GRAMD2B: variants seen among roughly 807,000 people sequenced by gnomAD.
GRAMD2B encodes GRAM domain-containing protein 2B.
GRAMD2B carries 41 observed loss-of-function variants against 59.2 expected under a neutral mutation model. The ratio of observed to expected loss-of-function variants is 0.69; its 90% CI spans 0.54 to 0.90. The LOEUF is 0.90. Among genes scored for constraint, GRAMD2B ranks in the 40% least tolerant of loss-of-function variants. GRAMD2B has a pLI of 0.00. For missense variants in GRAMD2B, 424 were observed against 500.5 expected, an observed-to-expected ratio of 0.85 and a Z score of 1.46; for synonymous variants, 161 against 182.7, an observed-to-expected ratio of 0.88 and a Z score of 0.96.
chr5:126,452,393 G>A (rs984315067), intron 1 of GRAMD2B, among the ~76,000 whole-genome samples: 1 of 152,150 alleles, frequency 6.6e-6, no homozygotes, highest in African/African-American at 2.4e-5. Context: ...ATTTCAACAT[G>A]TAAATGTTTG....
intron 1 of GRAMD2B, among the ~76,000 whole-genome samples, chr5:126,411,442 A>G (rs926408377): frequency 6.6e-6 from 1 of 151,892 alleles, no homozygotes; most frequent in Non-Finnish European, 1.5e-5. Context: ...TGGGTTCTCT[A>G]TTCTGTTCTG....
At chr5:126,481,519 G>C (rs1389436773) in intron 8 of GRAMD2B, among the ~76,000 whole-genome samples, 1 of 152,114 alleles carries the variant, frequency 6.6e-6, no homozygotes, top group South Asian at 2.1e-4. Flanking sequence ...AAAGTAATGG[G>C]ATTGAAAGCG....
At chr5:126,462,383 G>A (rs953301133) in intron 1 of GRAMD2B, 23 of 984,398 alleles carry the variant, frequency 2.3e-5, no homozygotes, top group Non-Finnish European at 2.5e-5. Flanking sequence ...TCAAACACAC[G>A]CTAGCCTCTG....
rs376235856 is a variant in GRAMD2B, at chr5:126,488,893, G to A, written c.1257+1G>A. 1.8e-5 allele frequency: 29 copies of A among 1,610,876 alleles called. No individual in the cohort carries two copies. The highest frequency in any genetic ancestry group is 2.4e-5 in the Non-Finnish European group (28 of 1,177,358). On this transcript the variant is annotated splice_donor_variant, in intron 13 of 13. Coordinates refer to ENST00000285689, the MANE Select transcript of GRAMD2B (RefSeq NM_023927.4). LOFTEE classifies it high-confidence loss of function. ...AGCTAACATAGTGAAATTAGAAAAGGTGACCTATTTCTTTCCTGTGTATGG... is the reference window on the plus strand; with the variant it reads ...AGCTAACATAGTGAAATTAGAAAAGATGACCTATTTCTTTCCTGTGTATGG...
chr5:126,393,299 TA>T (rs1006572341), intron 1 of GRAMD2B, among the ~76,000 whole-genome samples: 1 of 152,208 alleles, frequency 6.6e-6, no homozygotes, highest in African/African-American at 2.4e-5. Context: ...CTTCCAAGTG[TA>T]AAATATTATC....
At chr5:126,384,946 C>A (rs1295851267) in intron 1 of GRAMD2B, among the ~76,000 whole-genome samples, 1 of 152,238 alleles carries the variant, frequency 6.6e-6, no homozygotes, top group Non-Finnish European at 1.5e-5. Flanking sequence ...CCTTCTTTCT[C>A]ACTGTGCTGC....
intron 1 of GRAMD2B, among the ~76,000 whole-genome samples, chr5:126,464,517 C>A (rs747184143): frequency 1.3e-5 from 2 of 152,194 alleles, no homozygotes; most frequent in Non-Finnish European, 2.9e-5. Context: ...ACCTCTGCAT[C>A]CCCCAAGCTG....
intron 1 of GRAMD2B, among the ~76,000 whole-genome samples, chr5:126,447,751 G>A (rs187372968): frequency 1.2e-4 from 19 of 152,054 alleles, no homozygotes; most frequent in African/African-American, 4.1e-4. Context: ...TAAGGTAAAT[G>A]AATTGAACCT....
chr5:126,362,759 A>G (rs1257482147), intron 1 of GRAMD2B, among the ~76,000 whole-genome samples: 1 of 152,236 alleles, frequency 6.6e-6, no homozygotes, highest in East Asian at 1.9e-4. Context: ...CTTTTCAACA[A>G]TAGTGCCAGG....
chr5:126,493,264 C>T lies in GRAMD2B; in HGVS notation c.*308C>T, dbSNP rs930007358. The T allele has an allele frequency of 9.9e-5, 33 of 333,886 alleles. No homozygotes were observed. Among genetic ancestry groups the T allele is most frequent in the African/African-American group, 5.8e-4 (28 of 48,292 alleles). 20.7% of individuals were successfully genotyped at this position (333,886 alleles called of 1,614,324 possible). The stretch of plus-strand genomic sequence containing the variant: ...CTCTCTTGGATAATTACCACGATGG[C>T]GTCAGCAAACACTCCACCCTGTGCC... On this transcript the variant is annotated 3_prime_UTR_variant, in exon 14 of 14. Transcript: ENST00000285689.
chr5:126,372,855 C>T (rs1281002582), intron 1 of GRAMD2B, among the ~76,000 whole-genome samples: 1 of 152,112 alleles, frequency 6.6e-6, no homozygotes, highest in Non-Finnish European at 1.5e-5. Context: ...AGTAGACTGT[C>T]ATGCAAATTC....
intron 1 of GRAMD2B, among the ~76,000 whole-genome samples, chr5:126,402,689 C>A (rs898308416): frequency 6.6e-6 from 1 of 152,004 alleles, no homozygotes; most frequent in African/African-American, 2.4e-5. Context: ...AGGCTATGAG[C>A]AGTATCTATT....
intron 13 of GRAMD2B, 140 bp from the exon 14 acceptor site, chr5:126,492,775 T>C (rs1774179518): frequency 5.3e-6 from 3 of 568,108 alleles, no homozygotes; most frequent in African/African-American, 1.9e-5. Context: ...AAGCATCTAT[T>C]TGCCTCACCT....
At chr5:126,471,453 T>C (rs913314012) in intron 3 of GRAMD2B, among the ~76,000 whole-genome samples, 1 of 152,236 alleles carries the variant, frequency 6.6e-6, no homozygotes. Context: ...TCCATTGTTA[T>C]TGTCACAGTT....
At chr5:126,422,983 G>A (rs1229538742), upstream of GRAMD2B, among the ~76,000 whole-genome samples, 1 of 145,396 alleles carries the variant, frequency 6.9e-6, no homozygotes, top group East Asian at 2.0e-4. Flanking sequence ...TATTACCTTT[G>A]TTATTCCCAC....
At chr5:126,413,335 G>T (rs896064206) in intron 1 of GRAMD2B, among the ~76,000 whole-genome samples, 3 of 151,898 alleles carry the variant, frequency 2.0e-5, no homozygotes, top group African/African-American at 7.2e-5. Context: ...ATAATTTCTT[G>T]ATTTCTGCCT....
At chr5:126,366,042 A>C (rs143701834) in intron 1 of GRAMD2B, among the ~76,000 whole-genome samples, 5 of 152,310 alleles carry the variant, frequency 3.3e-5, no homozygotes, top group Non-Finnish European at 7.4e-5. Context: ...TCTGGGGGCA[A>C]ACTCCCTCTA....
At chr5:126,488,484 G>T (rs554973024) in intron 12 of GRAMD2B, among the ~76,000 whole-genome samples, 2 of 152,234 alleles carry the variant, frequency 1.3e-5, no homozygotes, top group South Asian at 4.1e-4. Context: ...GGATATTAGG[G>T]GTTAATAAAA....
At chr5:126,414,823 T>G (rs557824083) in intron 1 of GRAMD2B, among the ~76,000 whole-genome samples, 2 of 152,106 alleles carry the variant, frequency 1.3e-5, no homozygotes, top group Admixed American at 6.6e-5. Context: ...TATAGGAAGA[T>G]GGTAAATGCA....
Sources: gnomAD v4.1 joint callset for allele counts (sites outside exome capture counted in the v4.1 genomes callset) on GRCh38, gnomAD v4.1.1 for gene constraint, MANE v1.5 for transcripts, NCBI Gene and HGNC (gene_info 2026-07-23, HGNC 2026-07-21) for gene names.